The following MED12L variants were observed in gnomAD, a reference collection of about 807,000 sequenced individuals.
The protein encoded by MED12L is mediator complex subunit 12L.
A neutral mutation model predicts 281.3 loss-of-function variants in MED12L; 60 were observed. That is an observed-to-expected ratio of 0.21 (90% CI 0.17 to 0.26). The LOEUF (loss-of-function observed/expected upper bound fraction) is 0.26, where lower values mean the gene tolerates loss of function less well. MED12L is among the 10% of genes least tolerant of loss of function. The pLI is 1.00. For synonymous variants in MED12L, 974 were observed against 987.2 expected, an observed-to-expected ratio of 0.99 and a Z score of 0.25; for missense variants, 2,146 against 2,680.9, an observed-to-expected ratio of 0.80 and a Z score of 4.41.
chr3:151,261,891 AT>A (rs1035612129), intron 16 of MED12L, among the ~76,000 whole-genome samples: 8 of 151,790 alleles, frequency 5.3e-5, no homozygotes, highest in African/African-American at 1.9e-4. Flanking sequence ...TGCCTGGCTA[AT>A]TTTTTTGTAT....
chr3:151,396,582 C>T (rs962496775), intron 39 of MED12L, among the ~76,000 whole-genome samples: 5 of 152,188 alleles, frequency 3.3e-5, no homozygotes, highest in South Asian at 2.1e-4. Context: ...GCCGAGATCA[C>T]GCCACTGCAC....
At chr3:151,220,031 T>G (rs1367158793) in intron 16 of MED12L, among the ~76,000 whole-genome samples, 2 of 150,962 alleles carry the variant, frequency 1.3e-5, no homozygotes, top group African/African-American at 4.9e-5. Context: ...AACCTTTGTC[T>G]TATTGACCTT....
At chr3:151,285,208 G>GGC (rs34730491) in intron 16 of MED12L, among the ~76,000 whole-genome samples, 1 of 152,178 alleles carries the variant, frequency 6.6e-6, no homozygotes, top group East Asian at 1.9e-4. Flanking sequence ...GGACTGGCCG[G>GGC]ACGTGGTGGC....
chr3:151,166,326 A>G (rs1444753545), intron 11 of MED12L, among the ~76,000 whole-genome samples: 1 of 152,160 alleles, frequency 6.6e-6, no homozygotes, highest in African/African-American at 2.4e-5. Flanking sequence ...GTATGTTAAC[A>G]TTTAGCACAG....
chr3:151,432,536 T>C (rs1164559684), intron 44 of MED12L, among the ~76,000 whole-genome samples: 1 of 152,216 alleles, frequency 6.6e-6, no homozygotes, highest in African/African-American at 2.4e-5. Context: ...CCTGCGGCCT[T>C]GCATTGGCAA....
chr3:151,237,484 G>A (rs535477255), intron 16 of MED12L, among the ~76,000 whole-genome samples: 1 of 150,934 alleles, frequency 6.6e-6, no homozygotes, highest in Non-Finnish European at 1.5e-5. Context: ...CAAGTAGCTG[G>A]GACTACAGGT....
chr3:151,126,520 T>A (rs1260066686), intron 4 of MED12L, among the ~76,000 whole-genome samples: 1 of 152,236 alleles, frequency 6.6e-6, no homozygotes, highest in African/African-American at 2.4e-5. Context: ...AGTGTGTGAA[T>A]GGTCAAATTT....
intron 16 of MED12L, chr3:151,328,457 G>A (rs1560033565): frequency 6.2e-7 from 1 of 1,613,766 alleles, no homozygotes; most frequent in East Asian, 2.2e-5. Flanking sequence ...CAGCCCCAGA[G>A]GCCCCTTTAA....
At chr3:151,116,245 A>G (rs1712797288) in intron 2 of MED12L, 93 bp from the exon 3 acceptor site, 1 of 805,892 alleles carries the variant, frequency 1.2e-6, no homozygotes, top group Non-Finnish European at 2.0e-6. Flanking sequence ...TCTACAGAGT[A>G]TAACAAATTT....
intron 43 of MED12L, among the ~76,000 whole-genome samples, chr3:151,417,933 T>A (rs952125074): frequency 6.6e-6 from 1 of 152,178 alleles, no homozygotes; most frequent in Admixed American, 6.5e-5. Context: ...ACCTATCCAA[T>A]GTGTATTAGC....
intron 16 of MED12L, among the ~76,000 whole-genome samples, chr3:151,285,695 A>AG (rs1743400843): frequency 6.6e-6 from 1 of 152,128 alleles, no homozygotes; most frequent in East Asian, 1.9e-4. Context: ...TAAAAAAAAA[A>AG]TAAAAGAAAA....
intron 11 of MED12L, among the ~76,000 whole-genome samples, chr3:151,175,308 G>C (rs956147444): frequency 6.6e-6 from 1 of 152,106 alleles, no homozygotes; most frequent in Non-Finnish European, 1.5e-5. Flanking sequence ...TGACCATTTT[G>C]TTTGACCTTG....
intron 5 of MED12L, among the ~76,000 whole-genome samples, chr3:151,137,936 A>G (rs1352411780): frequency 6.6e-6 from 1 of 152,046 alleles, no homozygotes; most frequent in African/African-American, 2.4e-5. Context: ...TATATTTTGA[A>G]TATGTAATAC....
At chr3:151,256,722 T>G (rs1177690056) in intron 16 of MED12L, among the ~76,000 whole-genome samples, 1 of 152,070 alleles carries the variant, frequency 6.6e-6, no homozygotes, top group Non-Finnish European at 1.5e-5. Flanking sequence ...AGGAAACATT[T>G]ATTTTTCTTA....
At chr3:151,103,124 C>A (rs1284636513) in intron 2 of MED12L, among the ~76,000 whole-genome samples, 1 of 152,180 alleles carries the variant, frequency 6.6e-6, no homozygotes, top group Non-Finnish European at 1.5e-5. Flanking sequence ...AGAAAACTAT[C>A]TTTTGAGGCT....
At chr3:151,095,789 C>A (rs1720636683) in intron 2 of MED12L, among the ~76,000 whole-genome samples, 1 of 151,930 alleles carries the variant, frequency 6.6e-6, no homozygotes, top group African/African-American at 2.4e-5. Flanking sequence ...GCCTGTAATC[C>A]CAGCTACTCT....
At chr3:151,090,555 T>C (rs1672216483) in intron 2 of MED12L, among the ~76,000 whole-genome samples, 1 of 152,194 alleles carries the variant, frequency 6.6e-6, no homozygotes, top group Admixed American at 6.5e-5. Flanking sequence ...CAAATATTTA[T>C]TGGAACATGA....
At chr3:151,191,114 C>T (rs537924017) in intron 14 of MED12L, among the ~76,000 whole-genome samples, 183 bp downstream of exon 14, 12 of 152,268 alleles carry the variant, frequency 7.9e-5, no homozygotes, top group African/African-American at 2.9e-4. Flanking sequence ...TTATGTCTTC[C>T]AGAATTTCCC....
rs1308575650 is a variant in MED12L at position 151,211,620 on chromosome 3, A to G, written c.2250+17954A>G. On this transcript the variant is annotated intron_variant, in intron 16 of 44. Transcript: ENST00000687756. Reference sequence around the variant, plus strand: ...TTTTTTTCTGAGTTTTGCCTAAAATATTGATGAGGTTATAGGACATATGAA... The same window carrying G: ...TTTTTTTCTGAGTTTTGCCTAAAATGTTGATGAGGTTATAGGACATATGAA... Among the ~76,000 whole-genome samples, 3 of 152,230 alleles carry G rather than the reference A, an allele frequency of 2.0e-5. No individual in the cohort carries two copies. In the East Asian group the frequency reaches 5.8e-4, roughly 29 times the overall value.
Sources: gnomAD v4.1 joint callset for allele counts (sites outside exome capture counted in the v4.1 genomes callset) on GRCh38, gnomAD v4.1.1 for gene constraint, MANE v1.5 for transcripts, NCBI Gene and HGNC (gene_info 2026-07-23, HGNC 2026-07-21) for gene names.